LARP1B: variants seen among roughly 807,000 people sequenced by gnomAD.
LARP1B encodes the protein la-related protein 1B.
Under a neutral mutation model 114.2 loss-of-function variants are expected in LARP1B, and 76 were observed. The ratio of observed to expected loss-of-function variants is 0.67; its 90% CI spans 0.55 to 0.81. LARP1B has a LOEUF of 0.81. Ranked by LOEUF, LARP1B falls within the 30% of genes least tolerant of loss-of-function variation. The pLI is 0.00. For missense variants in LARP1B, 1,014 were observed against 1,075.8 expected, an observed-to-expected ratio of 0.94 and a Z score of 0.80; for synonymous variants, 345 against 348.0, an observed-to-expected ratio of 0.99 and a Z score of 0.10.
intron 12 of LARP1B, among the ~76,000 whole-genome samples, chr4:128,170,897 A>G (rs937107194): frequency 4.6e-4 from 21 of 45,992 alleles, no homozygotes; most frequent in East Asian, 4.9e-4. Context: ...TTTGGCTTCT[A>G]TTGCCCATTT....
chr4:128,107,563 A>G (rs1360165411), intron 9 of LARP1B: 6 of 1,367,790 alleles, frequency 4.4e-6, no homozygotes, highest in Non-Finnish European at 5.7e-6. Flanking sequence ...TTTGTCATGT[A>G]TGGAGTTTCT....
chr4:128,193,309 A>G (rs1752887063), intron 15 of LARP1B, among the ~76,000 whole-genome samples: 1 of 152,212 alleles, frequency 6.6e-6, no homozygotes, highest in African/African-American at 2.4e-5. Context: ...TCTAAATGCC[A>G]TTGAGAATCT....
At chr4:128,176,183 TATAA>T (rs1375077635) in intron 12 of LARP1B, among the ~76,000 whole-genome samples, 3 of 143,162 alleles carry the variant, frequency 2.1e-5, no homozygotes, top group Admixed American at 7.2e-5. Flanking sequence ...TATATAAATA[TATAA>T]ATATATTTTT....
At chr4:128,107,560 T>A in intron 9 of LARP1B, 2 of 1,366,712 alleles carry the variant, frequency 1.5e-6, no homozygotes, top group Admixed American at 6.4e-5. Flanking sequence ...TACTTTGTCA[T>A]GTATGGAGTT....
In LARP1B at chr4:128,065,316, TC is replaced by T. The variant is rs1335856109; in HGVS notation, c.-78+3916del. 5.1e-3 allele frequency among the ~76,000 whole-genome samples: 351 copies of T among 68,264 alleles called. 3 individuals carry two copies. Among genetic ancestry groups the T allele is most frequent in the Middle Eastern group, 0.049 (7 of 144 alleles). The allele number at this position is 68,264 out of a possible 152,430, so 44.8% of individuals were successfully genotyped here. A position where few individuals can be genotyped will look rare whatever the true frequency, so the allele number is the denominator to read the frequency against. On this transcript the variant is annotated intron_variant, in intron 1 of 19. Coordinates refer to ENST00000326639, the MANE Select transcript of LARP1B (RefSeq NM_018078.4). ...TTCTTTCTTTCTTTCTTTCTTTCTTTCTCTCTCTCTCTCTCTTTCCTTTCTT... is the reference window on the plus strand; with the variant it reads ...TTCTTTCTTTCTTTCTTTCTTTCTTTTCTCTCTCTCTCTCTTTCCTTTCTT...
chr4:128,070,162 C>CA (rs1032544393), intron 1 of LARP1B, among the ~76,000 whole-genome samples: 3 of 151,272 alleles, frequency 2.0e-5, no homozygotes, highest in South Asian at 4.2e-4. Context: ...ACTAAAAATA[C>CA]AAAAAAAATT....
At chr4:128,221,321 T>C (rs963121553) in intron 7 of LARP1B, among the ~76,000 whole-genome samples, 1 of 152,220 alleles carries the variant, frequency 6.6e-6, no homozygotes, top group African/African-American at 2.4e-5. Flanking sequence ...TATTTAGGGT[T>C]ATTATTGACA....
intron 12 of LARP1B, among the ~76,000 whole-genome samples, chr4:128,162,519 T>C (rs1021637043): frequency 2.0e-5 from 3 of 152,154 alleles, no homozygotes; most frequent in African/African-American, 4.8e-5. Context: ...GAGGCTTACT[T>C]AGAAGTAGGC....
chr4:128,069,338 A>G, intron 1 of LARP1B: 1 of 782,476 alleles, frequency 1.3e-6, no homozygotes, highest in Non-Finnish European at 2.3e-6. Flanking sequence ...TGGACTGAAG[A>G]CTTTGAGCAA....
At chr4:128,155,641 G>C (rs1285341430) in intron 11 of LARP1B, 1 of 1,464,842 alleles carries the variant, frequency 6.8e-7, no homozygotes, top group Non-Finnish European at 9.5e-7. Flanking sequence ...AGCCATCCGG[G>C]CCCTGGGGCC....
At chr4:128,065,014 G>C (rs537313140) in intron 1 of LARP1B, among the ~76,000 whole-genome samples, 16 of 152,144 alleles carry the variant, frequency 1.1e-4, no homozygotes, top group Non-Finnish European at 1.9e-4. Context: ...ATATTTAACA[G>C]TTAAGCTATT....
At chr4:128,093,146 C>A in intron 7 of LARP1B, 1 of 478,172 alleles carries the variant, frequency 2.1e-6, no homozygotes, top group Non-Finnish European at 2.7e-6. Context: ...GTTAGTAGAG[C>A]ACTAGGTTTA....
At chr4:128,142,700 G>T (rs1313007004) in intron 11 of LARP1B, among the ~76,000 whole-genome samples, 1 of 151,794 alleles carries the variant, frequency 6.6e-6, no homozygotes, top group African/African-American at 2.4e-5. Context: ...TAGAGACGGG[G>T]TTTCTCCATG....
intron 8 of LARP1B, among the ~76,000 whole-genome samples, chr4:128,100,150 C>T (rs1779776685): frequency 1.3e-5 from 2 of 151,562 alleles, no homozygotes; most frequent in Non-Finnish European, 2.9e-5. Context: ...TTAATAGAGA[C>T]GAGATTTCAC....
At chr4:128,167,027 C>G (rs1417824815) in intron 12 of LARP1B, among the ~76,000 whole-genome samples, 1 of 149,292 alleles carries the variant, frequency 6.7e-6, no homozygotes, top group Non-Finnish European at 1.5e-5. Flanking sequence ...TATACATACA[C>G]ACGTGTGTAC....
intron 11 of LARP1B, among the ~76,000 whole-genome samples, 155 bp from the exon 12 acceptor site, chr4:128,162,039 A>G (rs1192767570): frequency 1.3e-5 from 2 of 152,124 alleles, no homozygotes; most frequent in Non-Finnish European, 2.9e-5. Flanking sequence ...GTTGTTATTA[A>G]GTATAATGCT....
At position 128,153,456 on chromosome 4, in the gene LARP1B, C is replaced by A. The variant is rs1252004130; in HGVS notation, c.1525-8738C>A. ...CTCAGCCACGGACTACAGGCGTGCA[C>A]CACCACGCCTGGCTAATTTTTGTAC... On this transcript the variant is annotated intron_variant, in intron 11 of 19. Transcript: ENST00000326639. 2.0e-5 allele frequency among the ~76,000 whole-genome samples: 3 copies of A among 152,182 alleles called. No homozygotes were observed. In the East Asian group the frequency reaches 5.8e-4, roughly 29 times the overall value.
At position 128,122,459 on chromosome 4, in the gene LARP1B, G is replaced by GTT. The variant is rs758240640; in HGVS notation, c.1524+279_1524+280dup. The GTT allele has an allele frequency of 1.1e-5, 16 of 1,466,832 alleles. No homozygotes were observed. In the African/African-American group the frequency reaches 2.0e-4, roughly 18 times the overall value. The allele number at this position is 1,466,832 out of a possible 1,614,324, so 90.9% of individuals were successfully genotyped here. A position where few individuals can be genotyped will look rare whatever the true frequency, so the allele number is the denominator to read the frequency against. ...CCTTGTTTTTTTTTTTTTTTGTTTT[G>GTT]TTTTTTTTTGTTTTTGTTTTAGGTG... On this transcript the variant is annotated intron_variant, in intron 11 of 19. Transcript: ENST00000326639.
Position 128,121,954 on chromosome 4 carries a change from T to TTGGTCTGATAATGA in LARP1B, c.1292_1305dup (p.Ser436GlyfsTer15). On this transcript the variant is annotated frameshift_variant, in exon 11 of 20. Transcript: ENST00000326639. LOFTEE classifies it high-confidence loss of function. Reference sequence around the variant, plus strand: ...TAGGACGAAAAAACACATTTACTGATTGGTCTGATAATGATTCAGATTATG... The same window carrying TTGGTCTGATAATGA: ...TAGGACGAAAAAACACATTTACTGATTGGTCTGATAATGATGGTCTGATAATGATTCAGATTATG... 6.2e-6 allele frequency: 10 copies of TTGGTCTGATAATGA among 1,612,878 alleles called. No individual in the cohort carries two copies. The highest frequency in any genetic ancestry group is 8.5e-6 in the Non-Finnish European group (10 of 1,179,954).
Sources: allele counts gnomAD v4.1 joint callset (sites outside exome capture counted in the v4.1 genomes callset), GRCh38; gene constraint gnomAD v4.1.1; transcripts MANE v1.5; gene names NCBI Gene and HGNC (gene_info 2026-07-23, HGNC 2026-07-21).